PIK3C2B: variants seen among roughly 807,000 people sequenced by gnomAD.
PIK3C2B encodes phosphatidylinositol-4-phosphate 3-kinase catalytic subunit type 2 beta.
PIK3C2B carries 83 observed loss-of-function variants against 184.3 expected under a neutral mutation model. The ratio of observed to expected loss-of-function variants is 0.45; its 90% confidence interval spans 0.38 to 0.54. The LOEUF (loss-of-function observed/expected upper bound fraction) is 0.54. PIK3C2B is among the 20% of genes least tolerant of loss of function. The pLI, the probability that PIK3C2B is intolerant of heterozygous loss-of-function variation, is 0.00. For synonymous variants in PIK3C2B, 779 were observed against 837.6 expected (o/e 0.93, Z 1.21); for missense variants, 1,736 against 2,113.5 (o/e 0.82, Z 3.50).
At chr1:204,463,654 C>A (rs2103508113) in intron 5 of PIK3C2B, among the ~76,000 whole-genome samples, 1 of 152,320 alleles carries the variant, frequency 6.6e-6, no homozygotes, top group South Asian at 2.1e-4. Flanking sequence ...AAACACCACA[C>A]ATAATCTAGA....
chr1:204,463,294 TAAGA>T (rs1330441146), intron 5 of PIK3C2B, among the ~76,000 whole-genome samples: 7 of 152,130 alleles, frequency 4.6e-5, no homozygotes, highest in African/African-American at 1.7e-4. Flanking sequence ...CTCTGAAGCC[TAAGA>T]GAGGAAAGCA....
intron 1 of PIK3C2B, among the ~76,000 whole-genome samples, chr1:204,478,260 C>A (rs186090029): frequency 6.6e-6 from 1 of 152,248 alleles, no homozygotes; most frequent in Non-Finnish European, 1.5e-5. Context: ...CTCACCCATA[C>A]CCCCAATCCC....
At chr1:204,490,929 T>G (rs529395790) in intron 1 of PIK3C2B, among the ~76,000 whole-genome samples, 21 of 152,320 alleles carry the variant, frequency 1.4e-4, no homozygotes, top group African/African-American at 5.1e-4. Flanking sequence ...GGCAGCAATA[T>G]GACTTGATCA....
At position 204,440,196 on chromosome 1, in the gene PIK3C2B, G is replaced by C. The variant is rs777209190; in HGVS notation, c.3375C>G (p.Gly1125=). Residue 1125 remains glycine (G), a synonymous_variant, in exon 22 of 33, where the codon GGC becomes GGG. Transcript: ENST00000684373. ...TCACCCCTACTCCCAACTGACCTCT[G>C]CCCCGGCCGGTGGAGAAGCAGCGGA... ...VIFRCFSTGR[G]RGMVEMIPNA... 2 of 1,611,820 alleles carry C rather than the reference G, an allele frequency of 1.2e-6. No individual in the cohort carries two copies. Among genetic ancestry groups the C allele is most frequent in the Non-Finnish European group, 1.7e-6 (2 of 1,178,798 alleles).
At chr1:204,460,469 C>G in intron 6 of PIK3C2B, 66 bp from the exon 7 acceptor site, 3 of 1,537,028 alleles carry the variant, frequency 2.0e-6, no homozygotes, top group Middle Eastern at 1.7e-4. Flanking sequence ...CTCCTACCCC[C>G]CTCCCACCTG....
intron 12 of PIK3C2B, among the ~76,000 whole-genome samples, chr1:204,452,245 A>T (rs1240348553): frequency 6.9e-6 from 1 of 144,612 alleles, no homozygotes; most frequent in Non-Finnish European, 1.5e-5. Flanking sequence ...GTTTAAGGCC[A>T]ATTTTTTAAA....
chr1:204,449,479 G>A (rs552238404), intron 13 of PIK3C2B, among the ~76,000 whole-genome samples, 183 bp from the exon 14 acceptor site: 1 of 152,324 alleles, frequency 6.6e-6, no homozygotes, highest in South Asian at 2.1e-4. Flanking sequence ...CGCCCTCCAA[G>A]AGGACTTGTG....
intron 12 of PIK3C2B, 76 bp from the exon 13 acceptor site, chr1:204,450,093 C>G (rs1654224837): frequency 3.4e-6 from 4 of 1,173,554 alleles, no homozygotes; most frequent in South Asian, 1.6e-5. Flanking sequence ...GGAAGTCAGG[C>G]TGAGGCTGAG....
chr1:204,465,186 C>CG, intron 3 of PIK3C2B, 33 bp downstream of exon 3: 1 of 1,082,016 alleles, frequency 9.2e-7, no homozygotes, highest in Non-Finnish European at 1.4e-6. Flanking sequence ...CCCCATAGCC[C>CG]TCCCAAATCC....
At chr1:204,481,181 G>A (rs765430802) in intron 1 of PIK3C2B, among the ~76,000 whole-genome samples, 3 of 147,562 alleles carry the variant, frequency 2.0e-5, no homozygotes, top group African/African-American at 7.6e-5. Context: ...ACTCTCCCCC[G>A]ACACACACCC....
intron 1 of PIK3C2B, among the ~76,000 whole-genome samples, chr1:204,470,416 C>G (rs1255687350): frequency 1.3e-5 from 2 of 152,204 alleles, no homozygotes; most frequent in African/African-American, 4.8e-5. Flanking sequence ...GATCCACCCG[C>G]CTAGGCCTCC....
In PIK3C2B at chr1:204,424,944, C is replaced by T. The variant is rs1402177321; in HGVS notation, c.4813G>A (p.Gly1605Ser). 8 of 1,614,028 alleles carry T rather than the reference C, an allele frequency of 5.0e-6. No homozygotes were observed. The highest frequency in any genetic ancestry group is 4.2e-6 in the Non-Finnish European group (5 of 1,179,984). ...EQGFWENVLL[G>S]EVNIRLRELD... Reference sequence around the variant, plus strand: ...TCTCGCAGGCGGATGTTCACCTCACCGAGGAGGACGTTCTCCCAGAATCCC... The same window carrying T: ...TCTCGCAGGCGGATGTTCACCTCACTGAGGAGGACGTTCTCCCAGAATCCC... Residue 1605 changes from glycine (G) to serine (S), a missense_variant, in exon 33 of 33, where the codon GGT (glycine) becomes AGT (serine). Coordinates refer to ENST00000684373, the MANE Select transcript of PIK3C2B (RefSeq NM_001377334.1).
intron 1 of PIK3C2B, among the ~76,000 whole-genome samples, chr1:204,478,473 C>T (rs1489186359): frequency 6.6e-6 from 1 of 152,234 alleles, no homozygotes; most frequent in Non-Finnish European, 1.5e-5. Flanking sequence ...TCCCTGCTTC[C>T]TTATGGAAAA....
chr1:204,442,690 C>T (rs1675732043), intron 19 of PIK3C2B, 57 bp from the exon 20 acceptor site: 2 of 1,195,096 alleles, frequency 1.7e-6, no homozygotes, highest in East Asian at 5.2e-5. Context: ...TACTGAGAAC[C>T]AGACCTCTCC....
chr1:204,457,707 T>C, intron 9 of PIK3C2B, 21 bp downstream of exon 9: 1 of 1,586,558 alleles, frequency 6.3e-7, no homozygotes, highest in South Asian at 1.1e-5. Flanking sequence ...TTTCCCCTGC[T>C]AGCACCCTGG....
chr1:204,479,819 G>A (rs910265333), intron 1 of PIK3C2B, among the ~76,000 whole-genome samples: 9 of 152,252 alleles, frequency 5.9e-5, no homozygotes, highest in Non-Finnish European at 1.2e-4. Flanking sequence ...TCCTGTGTGG[G>A]TGGGGAAAAC....
rs946009704 is a variant in PIK3C2B at position 204,427,511 on chromosome 1, A to G, written c.4587+137T>C. On this transcript the variant is annotated intron_variant, in intron 31 of 32. Transcript: ENST00000684373. ...TGCCTAGTCATACCATAGGCTTGCT[A>G]TGGTTATAGGTCCATGGTGGATGCT... is the stretch of plus-strand genomic sequence containing the variant. The G allele has an allele frequency of 6.3e-5, 39 of 623,564 alleles. No homozygotes were observed. The Admixed American group carries it at 9.4e-4, about 15-fold the overall frequency. 38.6% of individuals were successfully genotyped at this position (623,564 alleles called of 1,614,324 possible).
intron 12 of PIK3C2B, chr1:204,450,228 G>A (rs755129597): frequency 1.1e-5 from 6 of 530,428 alleles, no homozygotes; most frequent in Non-Finnish European, 2.0e-5. Flanking sequence ...AGCACAATGT[G>A]GTGTCCTTGG....
At chr1:204,466,637 A>C (rs879592530) in intron 2 of PIK3C2B, 1 of 374,660 alleles carries the variant, frequency 2.7e-6, no homozygotes, top group Non-Finnish European at 5.3e-6. Context: ...AGGAAGAAAA[A>C]GAGAAAGAGA....
Sources: allele counts gnomAD v4.1 joint callset (sites outside exome capture counted in the v4.1 genomes callset), GRCh38; gene constraint gnomAD v4.1.1; transcripts MANE v1.5; gene names NCBI Gene and HGNC (gene_info 2026-07-23, HGNC 2026-07-21).